LARP4: variants seen among roughly 807,000 people sequenced by gnomAD.
The protein encoded by LARP4 is La ribonucleoprotein 4.
Under a neutral mutation model 92.9 loss-of-function variants are expected in LARP4, and 29 were observed. The observed-to-expected ratio is 0.31, with a 90% CI of 0.23 to 0.43. The LOEUF (loss-of-function observed/expected upper bound fraction) is 0.43. LARP4 is among the 20% of genes least tolerant of loss of function. The pLI is 1.00. For synonymous variants in LARP4, 279 were observed against 284.1 expected, an observed-to-expected ratio of 0.98 and a Z score of 0.18; for missense variants, 732 against 860.0, an observed-to-expected ratio of 0.85 and a Z score of 1.86.
intron 10 of LARP4, among the ~76,000 whole-genome samples, chr12:50,459,173 A>G (rs1435367008): frequency 1.3e-5 from 2 of 151,974 alleles, no homozygotes; most frequent in Non-Finnish European, 2.9e-5. Flanking sequence ...TAATTTTTGT[A>G]TTTTTAGTAG....
Position 50,467,132 on chromosome 12 carries a change from G to A in LARP4, c.1545+12G>A, listed in dbSNP as rs1351625576. The A allele has an allele frequency of 6.3e-7, 1 of 1,585,098 alleles. No individual in the cohort carries two copies. Among genetic ancestry groups the A allele is most frequent in the East Asian group, 2.3e-5 (1 of 44,298 alleles). The stretch of plus-strand genomic sequence containing the variant: ...TCTACAAAGAAAAGGTAAACACCCA[G>A]CATCTGAGTCTTACCTTATGAGACC... On this transcript the variant is annotated intron_variant, in intron 13 of 15. Coordinates refer to ENST00000398473, the MANE Select transcript of LARP4 (RefSeq NM_052879.5).
intron 8 of LARP4, among the ~76,000 whole-genome samples, chr12:50,449,590 G>C (rs181959492): frequency 1.3e-5 from 2 of 152,042 alleles, no homozygotes; most frequent in Non-Finnish European, 2.9e-5. Context: ...TTGATTTTTG[G>C]GGCAATAGAG....
intron 5 of LARP4, among the ~76,000 whole-genome samples, chr12:50,435,930 A>G (rs1439702384): frequency 1.3e-5 from 2 of 151,638 alleles, no homozygotes; most frequent in Non-Finnish European, 2.9e-5. Flanking sequence ...GGCGCACACC[A>G]CCACATCTGG....
intron 12 of LARP4, among the ~76,000 whole-genome samples, 180 bp from the exon 13 acceptor site, chr12:50,466,779 A>G (rs952998463): frequency 6.6e-6 from 1 of 152,222 alleles, no homozygotes; most frequent in Non-Finnish European, 1.5e-5. Context: ...AGTAGAATTG[A>G]TAAAGACTGA....
chr12:50,448,828 ATTCT>A (rs1221611730), intron 8 of LARP4, among the ~76,000 whole-genome samples: 3 of 152,148 alleles, frequency 2.0e-5, no homozygotes, highest in African/African-American at 7.2e-5. Context: ...CCCAGCCGAG[ATTCT>A]TTCTTAATAC....
At chr12:50,441,768 T>G (rs1461938017) in intron 8 of LARP4, 125 bp downstream of exon 8, 15 of 783,348 alleles carry the variant, frequency 1.9e-5, no homozygotes, top group Non-Finnish European at 2.9e-5. Context: ...TCTGGCTTGG[T>G]CCAGGCGTGG....
intron 13 of LARP4, among the ~76,000 whole-genome samples, chr12:50,469,834 G>A (rs1007543849): frequency 1.2e-4 from 18 of 151,874 alleles, no homozygotes; most frequent in Admixed American, 1.0e-3. Context: ...GCTTGAACCC[G>A]GGAGGTGGAA....
intron 1 of LARP4, among the ~76,000 whole-genome samples, chr12:50,402,461 T>A (rs1944043682): frequency 6.6e-6 from 1 of 152,168 alleles, no homozygotes; most frequent in South Asian, 2.1e-4. Context: ...TTAAGGAATG[T>A]TATGCTATGT....
intron 11 of LARP4, 130 bp from the exon 12 acceptor site, chr12:50,462,452 T>G: frequency 3.2e-6 from 2 of 626,504 alleles, no homozygotes; most frequent in South Asian, 3.9e-5. Context: ...CACTCCAGCC[T>G]GGCGACAGAG....
At chr12:50,471,712 G>A (rs1956954007) in intron 13 of LARP4, among the ~76,000 whole-genome samples, 1 of 152,122 alleles carries the variant, frequency 6.6e-6, no homozygotes, top group South Asian at 2.1e-4. Flanking sequence ...GTAGAGACAG[G>A]GTTTCGTCTT....
Position 50,478,436 on chromosome 12 carries a change from G to A in LARP4, c.*2572G>A, listed in dbSNP as rs1313743092. The A allele has an allele frequency of 6.6e-6, 1 of 152,026 alleles. No individual in the cohort carries two copies. Among genetic ancestry groups the A allele is most frequent in the Non-Finnish European group, 1.5e-5 (1 of 67,930 alleles). The allele number at this position is 152,026 out of a possible 1,614,324, so 9.4% of individuals were successfully genotyped here. ...TCTAAATAATGCCTATGAGTTGTGT[G>A]AAGCTCTTGGCTTTTTTCCAACGTT... On this transcript the variant is annotated 3_prime_UTR_variant, in exon 16 of 16. Transcript: ENST00000398473.
intron 12 of LARP4, 61 bp downstream of exon 12, chr12:50,462,691 A>G (rs1050565189): frequency 9.1e-7 from 1 of 1,098,992 alleles, no homozygotes; most frequent in African/African-American, 1.6e-5. Context: ...TATGGCATTG[A>G]CTTTCGGTCT....
At chr12:50,408,590 T>C (rs1255113697) in intron 1 of LARP4, among the ~76,000 whole-genome samples, 1 of 152,182 alleles carries the variant, frequency 6.6e-6, no homozygotes, top group African/African-American at 2.4e-5. Context: ...AATAGTTCGA[T>C]AGTATTTCAT....
intron 13 of LARP4, among the ~76,000 whole-genome samples, chr12:50,472,500 A>T (rs948524233): frequency 8.0e-5 from 12 of 150,308 alleles, no homozygotes; most frequent in Admixed American, 2.7e-4. Context: ...GATTTCATTA[A>T]TTTTTTTTTA....
At chr12:50,473,876 C>G (rs1390480947) in intron 14 of LARP4, 123 bp from the exon 15 acceptor site, 13 of 728,124 alleles carry the variant, frequency 1.8e-5, no homozygotes, top group Non-Finnish European at 2.9e-5. Context: ...TGCCACTACA[C>G]TCCAGCCTGG....
chr12:50,456,863 A>G (rs1219968654), intron 10 of LARP4, among the ~76,000 whole-genome samples: 4 of 152,192 alleles, frequency 2.6e-5, no homozygotes, highest in African/African-American at 9.6e-5. Flanking sequence ...TTCTAAACAT[A>G]TGCAAATACC....
chr12:50,468,016 T>C (rs1420540957), intron 13 of LARP4, among the ~76,000 whole-genome samples: 1 of 152,200 alleles, frequency 6.6e-6, no homozygotes, highest in African/African-American at 2.4e-5. Flanking sequence ...AGTCTTGCTC[T>C]GTAACCTAGA....
intron 2 of LARP4, 66 bp downstream of exon 2, chr12:50,427,975 T>C (rs919489241): frequency 4.0e-6 from 4 of 990,738 alleles, no homozygotes; most frequent in Non-Finnish European, 5.8e-6. Context: ...GCAAGTTTAC[T>C]GAACTTGAGA....
chr12:50,461,543 A>T (rs773892347), intron 11 of LARP4, 196 bp downstream of exon 11: 2 of 565,850 alleles, frequency 3.5e-6, no homozygotes, highest in Non-Finnish European at 6.0e-6. Flanking sequence ...TACAGAATAT[A>T]GCTCTGAATC....
Sources: gnomAD v4.1 joint callset for allele counts (sites outside exome capture counted in the v4.1 genomes callset) on GRCh38, gnomAD v4.1.1 for gene constraint, MANE v1.5 for transcripts, NCBI Gene and HGNC (gene_info 2026-07-23, HGNC 2026-07-21) for gene names.